The following BACH2 variants were observed in gnomAD, a reference collection of about 807,000 sequenced individuals.
The protein encoded by BACH2 is transcription regulator protein BACH2.
Under a neutral mutation model 61.8 loss-of-function variants are expected in BACH2, and 5 were observed. The ratio of observed to expected loss-of-function variants is 0.08; its 90% CI spans 0.04 to 0.17. The LOEUF is 0.17. Ranked by LOEUF, BACH2 falls within the 10% of genes least tolerant of loss-of-function variation. The probability of loss-of-function intolerance (pLI) is 1.00; values close to 1 mark genes in which losing one functional copy is unlikely to be tolerated. For synonymous variants in BACH2, 446 were observed against 440.1 expected, an observed-to-expected ratio of 1.01 and a Z score of -0.17; for missense variants, 824 against 1,091.1, an observed-to-expected ratio of 0.76 and a Z score of 3.45.
At chr6:90,054,491 G>T (rs1389410849) in intron 5 of BACH2, among the ~76,000 whole-genome samples, 1 of 152,208 alleles carries the variant, frequency 6.6e-6, no homozygotes, top group Non-Finnish European at 1.5e-5. Context: ...GAACTGGGTG[G>T]AGCCCACCAC....
intron 4 of BACH2, among the ~76,000 whole-genome samples, chr6:90,143,047 T>G (rs1784513100): frequency 6.6e-6 from 1 of 152,180 alleles, no homozygotes; most frequent in Admixed American, 6.5e-5. Flanking sequence ...GAAGGCTAAC[T>G]CATTTATCCA....
chr6:90,062,872 T>G, intron 5 of BACH2: 1 of 977,402 alleles, frequency 1.0e-6, no homozygotes, highest in Non-Finnish European at 1.2e-6. Flanking sequence ...TTTAGACAGA[T>G]GAAAGGCTGA....
chr6:90,070,283 G>A (rs1383921893), intron 5 of BACH2, among the ~76,000 whole-genome samples: 1 of 152,094 alleles, frequency 6.6e-6, no homozygotes, highest in Non-Finnish European at 1.5e-5. Flanking sequence ...CATTTTGCAT[G>A]GCAAGAAATG....
In BACH2 at chr6:90,295,618, G is replaced by A. The variant is rs543658492; in HGVS notation, c.-446+862C>T. On this transcript the variant is annotated intron_variant, in intron 1 of 8. Coordinates refer to ENST00000257749, the MANE Select transcript of BACH2 (RefSeq NM_021813.4). Reference sequence around the variant, plus strand: ...TGTCCCCTTCATAAACCAGTCTCCTGGGTGAAGCTTCTGGGGCTTGGAGAC... The same window carrying A: ...TGTCCCCTTCATAAACCAGTCTCCTAGGTGAAGCTTCTGGGGCTTGGAGAC... Among the ~76,000 whole-genome samples, 14 of 152,086 alleles carry A rather than the reference G, an allele frequency of 9.2e-5. No individual in the cohort carries two copies. The East Asian group carries it at 2.7e-3, about 30-fold the overall frequency.
chr6:90,112,749 T>C (rs1783229910), intron 4 of BACH2, among the ~76,000 whole-genome samples: 1 of 152,054 alleles, frequency 6.6e-6, no homozygotes, highest in Admixed American at 6.6e-5. Flanking sequence ...AATTCATACA[T>C]ACAATACTAA....
chr6:90,039,279 T>C (rs992441941), intron 5 of BACH2, among the ~76,000 whole-genome samples: 4 of 152,216 alleles, frequency 2.6e-5, no homozygotes, highest in African/African-American at 9.6e-5. Flanking sequence ...TACATTCTCC[T>C]AAATGTGAAA....
intron 4 of BACH2, among the ~76,000 whole-genome samples, chr6:90,170,595 A>G (rs1767779826): frequency 6.6e-6 from 1 of 152,352 alleles, no homozygotes; most frequent in East Asian, 1.9e-4. Flanking sequence ...GAACATTAAT[A>G]TTTATACAAA....
intron 5 of BACH2, among the ~76,000 whole-genome samples, chr6:90,052,343 A>G (rs1343087670): frequency 1.3e-5 from 2 of 152,146 alleles, no homozygotes. Context: ...ATACCTTTCC[A>G]GTGAATTAAA....
chr6:89,971,908 G>A (rs996985308), intron 6 of BACH2, among the ~76,000 whole-genome samples: 3 of 152,214 alleles, frequency 2.0e-5, no homozygotes, highest in East Asian at 1.9e-4. Context: ...AAGATGAGAT[G>A]TGGGTGGGGA....
chr6:90,036,230 A>G (rs541916017), intron 5 of BACH2, among the ~76,000 whole-genome samples: 1 of 151,346 alleles, frequency 6.6e-6, no homozygotes, highest in African/African-American at 2.4e-5. Context: ...CACTAGATAT[A>G]AATTCCCTTC....
intron 5 of BACH2, among the ~76,000 whole-genome samples, chr6:90,060,409 C>A (rs1171372366): frequency 2.0e-5 from 3 of 152,060 alleles, no homozygotes; most frequent in Non-Finnish European, 4.4e-5. Flanking sequence ...ATTAATTAGT[C>A]CATTACAAAA....
At chr6:89,949,217 G>A (rs1278920695) in intron 7 of BACH2, among the ~76,000 whole-genome samples, 1 of 152,190 alleles carries the variant, frequency 6.6e-6, no homozygotes, top group African/African-American at 2.4e-5. Flanking sequence ...CCGGCCTCAG[G>A]AGGACCATGT....
intron 1 of BACH2, among the ~76,000 whole-genome samples, chr6:90,296,222 C>G (rs915134572): frequency 2.0e-5 from 3 of 152,008 alleles, no homozygotes; most frequent in South Asian, 2.1e-4. Context: ...CCTCGGCCGC[C>G]GTAAACAGCC....
intron 4 of BACH2, among the ~76,000 whole-genome samples, chr6:90,154,323 C>T (rs1381774916): frequency 6.6e-6 from 1 of 152,112 alleles, no homozygotes; most frequent in African/African-American, 2.4e-5. Flanking sequence ...GTAAAAAAGT[C>T]TCAAGAGCCC....
intron 5 of BACH2, among the ~76,000 whole-genome samples, chr6:90,012,318 T>G (rs1401901872): frequency 6.6e-6 from 1 of 152,072 alleles, no homozygotes; most frequent in Non-Finnish European, 1.5e-5. Flanking sequence ...CACAGTCTCT[T>G]TATTTAGATC....
intron 5 of BACH2, among the ~76,000 whole-genome samples, chr6:90,043,842 C>T (rs933745771): frequency 2.0e-5 from 3 of 152,220 alleles, no homozygotes; most frequent in Non-Finnish European, 4.4e-5. Flanking sequence ...GCTTTCCAGC[C>T]TCCCAGCCAT....
chr6:90,010,231 G>C (rs1777635154), intron 5 of BACH2, among the ~76,000 whole-genome samples: 1 of 152,100 alleles, frequency 6.6e-6, no homozygotes, highest in South Asian at 2.1e-4. Flanking sequence ...GTCTCCTTAA[G>C]GCCCTTGTAA....
intron 7 of BACH2, among the ~76,000 whole-genome samples, chr6:89,947,063 G>T (rs1283049332): frequency 6.6e-6 from 1 of 152,160 alleles, no homozygotes; most frequent in Non-Finnish European, 1.5e-5. Context: ...AGACAGATTG[G>T]GAAAACACAC....
intron 4 of BACH2, among the ~76,000 whole-genome samples, chr6:90,110,196 G>A (rs945321722): frequency 6.6e-6 from 1 of 152,152 alleles, no homozygotes; most frequent in Non-Finnish European, 1.5e-5. Flanking sequence ...GTTGGAAATG[G>A]GTGAAGTATT....
Sources: allele counts gnomAD v4.1 joint callset (sites outside exome capture counted in the v4.1 genomes callset), GRCh38; gene constraint gnomAD v4.1.1; transcripts MANE v1.5; gene names NCBI Gene and HGNC (gene_info 2026-07-23, HGNC 2026-07-21).